The following ADGRB2 variants were observed in gnomAD, a reference collection of about 807,000 sequenced individuals.
The protein encoded by ADGRB2 is adhesion G protein-coupled receptor B2.
In ADGRB2, 47 loss-of-function variants were observed where a neutral mutation model predicts 178.7. That is an observed-to-expected ratio of 0.26 (90% confidence interval 0.21 to 0.34). The LOEUF (loss-of-function observed/expected upper bound fraction) is 0.34. Ranked by LOEUF, ADGRB2 falls within the 10% of genes least tolerant of loss-of-function variation. The probability of loss-of-function intolerance (pLI) is 1.00; values close to 1 mark genes in which losing one functional copy is unlikely to be tolerated. For synonymous variants in ADGRB2, 870 were observed against 912.4 expected (o/e 0.95, Z 0.84); for missense variants, 1,584 against 2,180.8 (o/e 0.73, Z 5.45).
chr1:31,732,743 A>G (rs909209309), intron 26 of ADGRB2, 131 bp from the exon 27 acceptor site: 1 of 1,193,528 alleles, frequency 8.4e-7, no homozygotes, highest in African/African-American at 1.5e-5. Flanking sequence ...GGGGAAGGTG[A>G]TGACACCTGG....
In ADGRB2 at chr1:31,733,387, G is replaced by A. The variant is rs980790940; in HGVS notation, c.3453-244C>T. 3.3e-5 allele frequency among the ~76,000 whole-genome samples: 5 copies of A among 152,196 alleles called. No homozygotes were observed. The highest frequency in any genetic ancestry group is 2.6e-4 in the Admixed American group (4 of 15,292). On this transcript the variant is annotated intron_variant, in intron 25 of 32. Coordinates refer to ENST00000373658, the MANE Select transcript of ADGRB2 (RefSeq NM_001364857.2). The surrounding 1 kb of genome is among the most constrained non-coding windows in gnomAD (Gnocchi z 4.3). ...GGACCAGGAAGGTGGGGAAGGACAC[G>A]CAGACACAGTGGGACCGAGCCACAG...
Position 31,744,333 on chromosome 1 carries a change from G to C in ADGRB2, c.947C>G (p.Ser316Cys). Reference sequence around the variant, plus strand: ...CGTCAGGGAACACACGCTCCACGGGGACCACTCCTCAGCCGCCGGGTCGCC... The same window carrying C: ...CGTCAGGGAACACACGCTCCACGGGCACCACTCCTCAGCCGCCGGGTCGCC... ...QTGDPAAEEW[S>C]PWSVCSLTCG... The change falls in exon 6 of 33, where the codon TCC becomes TGC. Residue 316 changes from serine (S) to cysteine (C), a missense_variant. Physicochemically the swap from Ser to Cys is moderately radical, Grantham distance 112 (BLOSUM62 -1). Coordinates refer to ENST00000373658, the MANE Select transcript of ADGRB2 (RefSeq NM_001364857.2). The surrounding 1 kb of genome is among the most constrained non-coding windows in gnomAD (Gnocchi z 6.7). 1 of 1,550,902 alleles carries C rather than the reference G, an allele frequency of 6.4e-7. No individual in the cohort carries two copies. The highest frequency in any genetic ancestry group is 8.7e-7 in the Non-Finnish European group (1 of 1,146,868).
In ADGRB2 at chr1:31,759,175, T is replaced by C; in HGVS notation, c.-190-1664A>G. ...GGAGTTCTGCATATGAATGGATACA[T>C]ATGTACACGGACATGCACACAGGTG... On this transcript the variant is annotated intron_variant, in intron 1 of 32. Coordinates refer to ENST00000373658, the MANE Select transcript of ADGRB2 (RefSeq NM_001364857.2). The surrounding 1 kb of genome is among the most constrained non-coding windows in gnomAD (Gnocchi z 4.3). 1 of 713,906 alleles carries C rather than the reference T, an allele frequency of 1.4e-6. No homozygotes were observed. Among genetic ancestry groups the C allele is most frequent in the Non-Finnish European group, 2.6e-6 (1 of 381,524 alleles). 44.2% of individuals were successfully genotyped at this position (713,906 alleles called of 1,614,324 possible). A position where few individuals can be genotyped will look rare whatever the true frequency, so the allele number is the denominator to read the frequency against.
rs867247985 is a variant in ADGRB2, at chr1:31,735,454, A to G, written c.3353+126T>C. The stretch of plus-strand genomic sequence containing the variant: ...ACTCCGGGTGCCCACCTTGCCTGCA[A>G]CCTTGATGCACCAAGGTTGGGGAGC... On this transcript the variant is annotated intron_variant, in intron 24 of 32. Coordinates refer to ENST00000373658, the MANE Select transcript of ADGRB2 (RefSeq NM_001364857.2). This position sits in a 1 kb window ranked among gnomAD's most constrained non-coding sequence, Gnocchi z 6.0. 7.4e-7 allele frequency: 1 copy of G among 1,342,998 alleles called. No homozygotes were observed. Among genetic ancestry groups the G allele is most frequent in the Non-Finnish European group, 1.0e-6 (1 of 958,152 alleles). The allele number at this position is 1,342,998 out of a possible 1,614,324, so 83.2% of individuals were successfully genotyped here.
chr1:31,742,561 C>T (rs567980458), intron 7 of ADGRB2, among the ~76,000 whole-genome samples: 3 of 152,350 alleles, frequency 2.0e-5, no homozygotes, highest in African/African-American at 7.2e-5. Flanking sequence ...TCCAGCTGGC[C>T]ATGCACCAAA....
chr1:31,760,185 C>T (rs1312350293), intron 1 of ADGRB2, among the ~76,000 whole-genome samples: 1 of 152,168 alleles, frequency 6.6e-6, no homozygotes, highest in African/African-American at 2.4e-5. Flanking sequence ...CTAAAGTCAG[C>T]TCTGAGGAAG....
Position 31,756,100 on chromosome 1 carries a change from G to A in ADGRB2, c.737C>T (p.Thr246Ile). 3 of 1,613,998 alleles carry A rather than the reference G, an allele frequency of 1.9e-6. No homozygotes were observed. The highest frequency in any genetic ancestry group is 2.5e-6 in the Non-Finnish European group (3 of 1,179,992). ...CCCGGGCACCAGGGCATTGGACAGG[G>A]TGTGGGCAGCAGGAGGGCCTGGAGA... ...TTSPGPPAAH[T>I]LSNALVPGGP... is the part of the protein sequence containing the mutation. The change falls in exon 4 of 33, where the codon ACC (threonine) becomes ATC (isoleucine). Residue 246 changes from threonine (T) to isoleucine (I), a missense_variant. Transcript: ENST00000373658. The surrounding 1 kb of genome is among the most constrained non-coding windows in gnomAD (Gnocchi z 8.5).
chr1:31,727,507 G>A lies in ADGRB2; in HGVS notation c.4671C>T (p.Pro1557=). Residue 1557 remains proline (P), a synonymous_variant, in exon 33 of 33, where the codon CCC becomes CCT. Transcript: ENST00000373658. The surrounding 1 kb of genome is among the most constrained non-coding windows in gnomAD (Gnocchi z 4.4). ...FKSMTLGSLP[P]KPRERLTLHR... is the part of the protein sequence containing the mutation. ...GCAGAGTCAGCCGTTCTCGGGGCTT[G>A]GGGGGCAGCGAGCCCAGTGTCATAG... The A allele has an allele frequency of 6.3e-7, 1 of 1,596,090 alleles. No individual in the cohort carries two copies. The highest frequency in any genetic ancestry group is 8.5e-7 in the Non-Finnish European group (1 of 1,175,016).
Position 31,728,043 on chromosome 1 carries a change from G to C in ADGRB2, c.4554C>G (p.Ala1518=), listed in dbSNP as rs146421594. Residue 1518 remains alanine (A), a synonymous_variant, in exon 32 of 33, where the codon GCC becomes GCG. Transcript: ENST00000373658. This position sits in a 1 kb window ranked among gnomAD's most constrained non-coding sequence, Gnocchi z 6.7. ...GACTCACGGTGCACACGCTCCGCTCGGCTGCCCCACCCGAGGACACACTCC... is the reference window on the plus strand; with the variant it reads ...GACTCACGGTGCACACGCTCCGCTCCGCTGCCCCACCCGAGGACACACTCC... ...KRWSVSSGGA[A]ERSVCTDKPS... 1,257 of 1,584,684 alleles carry C rather than the reference G, an allele frequency of 7.9e-4. 9 individuals carry two copies. In the African/African-American group the frequency reaches 9.4e-3, roughly 12 times the overall value.
At position 31,741,535 on chromosome 1, in the gene ADGRB2, C is replaced by A. The variant is rs1645966105; in HGVS notation, c.1688-56G>T. 7 of 1,586,788 alleles carry A rather than the reference C, an allele frequency of 4.4e-6. No individual in the cohort carries two copies. Among genetic ancestry groups the A allele is most frequent in the South Asian group, 1.1e-5 (1 of 88,524 alleles). ...TGGGGGCCGAGCTCTCACCCACACT[C>A]CTCCGTATCTCAGAGAGGCTGGGGG... is the stretch of plus-strand genomic sequence containing the variant. On this transcript the variant is annotated intron_variant, in intron 10 of 32. Coordinates refer to ENST00000373658, the MANE Select transcript of ADGRB2 (RefSeq NM_001364857.2). The surrounding 1 kb of genome is among the most constrained non-coding windows in gnomAD (Gnocchi z 6.5).
In ADGRB2 at chr1:31,740,530, G is replaced by A. The variant is rs1645881713; in HGVS notation, c.1806C>T (p.His602=). The A allele has an allele frequency of 1.9e-6, 3 of 1,607,370 alleles. No homozygotes were observed. The highest frequency in any genetic ancestry group is 1.7e-6 in the Non-Finnish European group (2 of 1,177,088). The change falls in exon 12 of 33, where the codon CAC becomes CAT. Residue 602 remains histidine, a synonymous_variant. Coordinates refer to ENST00000373658, the MANE Select transcript of ADGRB2 (RefSeq NM_001364857.2). This position sits in a 1 kb window ranked among gnomAD's most constrained non-coding sequence, Gnocchi z 5.9. ...CCAGCATGCGCTGCCCCTTGGCCAG[G>A]TGCTCCCTAAGCTGTAGGTGATGAG... ...YRYLYLSLRE[H]LAKGQRMLAG... is the part of the protein sequence containing the mutation.
Position 31,735,105 on chromosome 1 carries a change from T to A in ADGRB2, c.3452+78A>T. The A allele has an allele frequency of 1.3e-5, 13 of 1,033,488 alleles. No individual in the cohort carries two copies. The highest frequency in any genetic ancestry group is 1.6e-5 in the African/African-American group (1 of 61,140). The allele number at this position is 1,033,488 out of a possible 1,614,324, so 64.0% of individuals were successfully genotyped here. ...GGCACTGGGCTGATATCCCTCCTCC[T>A]CCCCCCACCATGGGCACTGCCCCCC... is the stretch of plus-strand genomic sequence containing the variant. On this transcript the variant is annotated intron_variant, in intron 25 of 32. Transcript: ENST00000373658. This position sits in a 1 kb window ranked among gnomAD's most constrained non-coding sequence, Gnocchi z 6.0.
At position 31,728,096 on chromosome 1, in the gene ADGRB2, A is replaced by G. The variant is rs746181174; in HGVS notation, c.4516-15T>C. The G allele has an allele frequency of 6.2e-7, 1 of 1,610,744 alleles. No homozygotes were observed. Among genetic ancestry groups the G allele is most frequent in the Admixed American group, 1.7e-5 (1 of 59,736 alleles). ...CGCTTCTCCCTCTGCAACGGGGGCCACCGGTCAGGCTCCAACCCCAGGGGC... is the reference window on the plus strand; with the variant it reads ...CGCTTCTCCCTCTGCAACGGGGGCCGCCGGTCAGGCTCCAACCCCAGGGGC... On this transcript the variant is annotated splice_polypyrimidine_tract_variant and intron_variant, in intron 31 of 32. Transcript: ENST00000373658. This position sits in a 1 kb window ranked among gnomAD's most constrained non-coding sequence, Gnocchi z 6.7.
chr1:31,736,944 C>T (rs900673095), intron 20 of ADGRB2, among the ~76,000 whole-genome samples: 20 of 152,316 alleles, frequency 1.3e-4, no homozygotes, highest in African/African-American at 3.6e-4. Context: ...GGCGGGTGGG[C>T]AGGCTGCCCA....
chr1:31,736,541 C>G, intron 21 of ADGRB2, 32 bp downstream of exon 21: 1 of 1,607,074 alleles, frequency 6.2e-7, no homozygotes, highest in East Asian at 2.2e-5. Flanking sequence ...CACCAAGGCC[C>G]AGCAGCAGAG....
Position 31,735,229 on chromosome 1 carries a change from C to T in ADGRB2, c.3406G>A (p.Ala1136Thr). Residue 1136 changes from alanine (A) to threonine (T), a missense_variant, in exon 25 of 33, where the codon GCG becomes ACG. Transcript: ENST00000373658. The surrounding 1 kb of genome is among the most constrained non-coding windows in gnomAD (Gnocchi z 6.0). ...GAGCTGAGCAGGGGGCTGGGGACCG[C>T]TCCACACGCTGAGCAGGGGAGGAGC... Reference protein sequence around the residue: ...SLLLPCSACGAVPSPLLSSAS... With the variant: ...SLLLPCSACGTVPSPLLSSAS... 6.8e-7 allele frequency: 1 copy of T among 1,465,790 alleles called. No homozygotes were observed. The highest frequency in any genetic ancestry group is 9.1e-7 in the Non-Finnish European group (1 of 1,102,874). The allele number at this position is 1,465,790 out of a possible 1,614,324, so 90.8% of individuals were successfully genotyped here. A position where few individuals can be genotyped will look rare whatever the true frequency, so the allele number is the denominator to read the frequency against.
chr1:31,744,595 G>C lies in ADGRB2; in HGVS notation c.922+53C>G. On this transcript the variant is annotated intron_variant, in intron 5 of 32. Transcript: ENST00000373658. The surrounding 1 kb of genome is among the most constrained non-coding windows in gnomAD (Gnocchi z 6.7). ...CACACACCAAGCACACACACCACCA[G>C]ACGCACACAGTCGGGCCCCCGCCGC... The C allele has an allele frequency of 6.3e-7, 1 of 1,586,884 alleles. No homozygotes were observed. The highest frequency in any genetic ancestry group is 1.3e-5 in the African/African-American group (1 of 74,178).
intron 28 of ADGRB2, 29 bp from the exon 29 acceptor site, chr1:31,731,448 G>A: frequency 6.5e-7 from 1 of 1,540,504 alleles, no homozygotes; most frequent in Non-Finnish European, 8.8e-7. Context: ...GGGAGGGGGT[G>A]AGTCCTGAGG....
Position 31,727,943 on chromosome 1 carries a change from G to T in ADGRB2, c.4572+82C>A. ...GGAGGCCCTTGGTGAGACAGGCTGG[G>T]GTTGCCTGGGAGGGGCAGGAGGGCA... On this transcript the variant is annotated intron_variant, in intron 32 of 32. Transcript: ENST00000373658. The surrounding 1 kb of genome is among the most constrained non-coding windows in gnomAD (Gnocchi z 4.4). The T allele has an allele frequency of 6.8e-7, 1 of 1,470,514 alleles. No individual in the cohort carries two copies. Among genetic ancestry groups the T allele is most frequent in the South Asian group, 1.3e-5 (1 of 76,576 alleles). 91.1% of individuals were successfully genotyped at this position (1,470,514 alleles called of 1,614,324 possible). A position where few individuals can be genotyped will look rare whatever the true frequency, so the allele number is the denominator to read the frequency against.
Sources: gnomAD v4.1 joint callset for allele counts (sites outside exome capture counted in the v4.1 genomes callset) on GRCh38, gnomAD v4.1.1 for gene constraint, Gnocchi (gnomAD v3.1) non-coding constraint, MANE v1.5 for transcripts, NCBI Gene and HGNC (gene_info 2026-07-23, HGNC 2026-07-21) for gene names.